Variants in CACNA1E observed in about 807,000 individuals in gnomAD.
The protein encoded by CACNA1E is calcium voltage-gated channel subunit alpha1 E, also known as voltage-dependent R-type calcium channel subunit alpha-1E.
A neutral mutation model predicts 259.2 loss-of-function variants in CACNA1E; 40 were observed. The observed-to-expected ratio is 0.15, with a 90% CI of 0.12 to 0.20. The LOEUF (loss-of-function observed/expected upper bound fraction) is 0.20. Ranked by LOEUF, CACNA1E falls within the 10% of genes least tolerant of loss-of-function variation. The probability of loss-of-function intolerance (pLI) is 1.00; values close to 1 mark genes in which losing one functional copy is unlikely to be tolerated. For synonymous variants in CACNA1E, 1,104 were observed against 1,138.5 expected, an observed-to-expected ratio of 0.97 and a Z score of 0.61; for missense variants, 1,874 against 3,040.1, an observed-to-expected ratio of 0.62 and a Z score of 9.02.
chr1:181,575,673 T>C (rs183714981), intron 3 of CACNA1E, among the ~76,000 whole-genome samples: 2 of 152,112 alleles, frequency 1.3e-5, no homozygotes, highest in African/African-American at 4.8e-5. Flanking sequence ...ATGAAAAGAG[T>C]GTCTCATGTG....
chr1:181,598,930 AT>A (rs59473397), intron 6 of CACNA1E, among the ~76,000 whole-genome samples: 7,209 of 142,450 alleles, frequency 0.051, 543 homozygotes, highest in African/African-American at 0.17. Context: ...TGTTTCTGCC[AT>A]TTTTTTTTTT....
intron 1 of CACNA1E, among the ~76,000 whole-genome samples, chr1:181,346,708 A>G (rs1196436407): frequency 1.3e-5 from 2 of 152,120 alleles, no homozygotes; most frequent in African/African-American, 4.8e-5. Context: ...GGCTCTTGGG[A>G]TCACATTCCC....
intron 7 of CACNA1E, among the ~76,000 whole-genome samples, chr1:181,675,038 C>T (rs1291859492): frequency 6.6e-6 from 1 of 152,188 alleles, no homozygotes; most frequent in Non-Finnish European, 1.5e-5. Flanking sequence ...TTGGGGATTT[C>T]CTTTCCTTTT....
In CACNA1E at chr1:181,732,874, G is replaced by A. The variant is rs775039258; in HGVS notation, c.2788G>A (p.Gly930Ser). ...RSRHRRVRTEGKESSSASRSR... is the reference protein window; with the variant it reads ...RSRHRRVRTESKESSSASRSR... The stretch of plus-strand genomic sequence containing the variant: ...CCGGCATCGCCGCGTCAGGACAGAA[G>A]GCAAGGAGTCCTCTTCAGCCTCCCG... The change falls in exon 20 of 48, where the codon GGC becomes AGC. Residue 930 changes from glycine (G) to serine (S), a missense_variant. Around this residue, in one of 14 missense-constraint regions of CACNA1E, gnomAD observed 476 missense variants for 514.0 expected, o/e 0.93. Transcript: ENST00000367573. The surrounding 1 kb of genome is among the most constrained non-coding windows in gnomAD (Gnocchi z 5.5). 5 of 1,614,048 alleles carry A rather than the reference G, an allele frequency of 3.1e-6. No homozygotes were observed. The South Asian group carries it at 5.5e-5, about 18-fold the overall frequency.
At chr1:181,390,261 C>T (rs1276722924) in intron 1 of CACNA1E, among the ~76,000 whole-genome samples, 1 of 152,172 alleles carries the variant, frequency 6.6e-6, no homozygotes, top group East Asian at 1.9e-4. Context: ...GGAGGGGCTT[C>T]TGCTGAATGC....
intron 2 of CACNA1E, among the ~76,000 whole-genome samples, chr1:181,428,540 G>A (rs1391723260): frequency 8.5e-5 from 13 of 152,130 alleles, no homozygotes; most frequent in Admixed American, 8.5e-4. Context: ...TGGGGTAGGG[G>A]AGAGAAACAG....
At chr1:181,672,182 G>A (rs562005424) in intron 7 of CACNA1E, among the ~76,000 whole-genome samples, 2 of 152,336 alleles carry the variant, frequency 1.3e-5, no homozygotes, top group South Asian at 2.1e-4. Context: ...GGAGCTAAAT[G>A]ATGAGAATTC....
intron 6 of CACNA1E, among the ~76,000 whole-genome samples, chr1:181,628,561 C>A (rs1656412368): frequency 6.6e-6 from 1 of 152,096 alleles, no homozygotes; most frequent in Non-Finnish European, 1.5e-5. Flanking sequence ...AAATTGGCTG[C>A]AGTTAGGGCT....
At position 181,800,433 on chromosome 1, in the gene CACNA1E, C is replaced by T. The variant is rs1426583784; in HGVS notation, c.*1599C>T. On this transcript the variant is annotated 3_prime_UTR_variant, in exon 48 of 48. Coordinates refer to ENST00000367573, the MANE Select transcript of CACNA1E (RefSeq NM_001205293.3). ...AGAGCCCTTTCTTGCCAAGCCAGTGCTCTTTTGGTATATGGCATACAGCTC... is the reference window on the plus strand; with the variant it reads ...AGAGCCCTTTCTTGCCAAGCCAGTGTTCTTTTGGTATATGGCATACAGCTC... 6.6e-6 allele frequency: 1 copy of T among 152,666 alleles called. No individual in the cohort carries two copies. Among genetic ancestry groups the T allele is most frequent in the Non-Finnish European group, 1.5e-5 (1 of 68,058 alleles). 9.5% of individuals were successfully genotyped at this position (152,666 alleles called of 1,614,324 possible). A position where few individuals can be genotyped will look rare whatever the true frequency, so the allele number is the denominator to read the frequency against.
intron 1 of CACNA1E, among the ~76,000 whole-genome samples, chr1:181,346,887 T>C (rs1224627017): frequency 6.6e-6 from 1 of 152,112 alleles, no homozygotes; most frequent in Non-Finnish European, 1.5e-5. Flanking sequence ...AGTCTCTCTA[T>C]GGAAGCAAAC....
chr1:181,599,106 C>G lies in CACNA1E; in HGVS notation c.951+18330C>G, dbSNP rs1405355681. Reference sequence around the variant, plus strand: ...TAGCTATTCTTCCTGAGCCTCTCCCCCCTCCCCACTCTTGCCCTCCGATAG... The same window carrying G: ...TAGCTATTCTTCCTGAGCCTCTCCCGCCTCCCCACTCTTGCCCTCCGATAG... On this transcript the variant is annotated intron_variant, in intron 6 of 47. Transcript: ENST00000367573. Among the ~76,000 whole-genome samples the G allele has an allele frequency of 2.6e-5, 4 of 152,100 alleles. No individual in the cohort carries two copies. In the East Asian group the frequency reaches 7.7e-4, roughly 29 times the overall value.
chr1:181,363,177 C>G (rs569770414), intron 1 of CACNA1E, among the ~76,000 whole-genome samples: 138 of 152,290 alleles, frequency 9.1e-4, no homozygotes, highest in African/African-American at 3.3e-3. Flanking sequence ...AGCCTAAAAT[C>G]TCATCCCTGC....
At chr1:181,498,747 A>G (rs1472079637) in intron 1 of CACNA1E, among the ~76,000 whole-genome samples, 1 of 152,154 alleles carries the variant, frequency 6.6e-6, no homozygotes, top group East Asian at 1.9e-4. Flanking sequence ...AGAGCCTAGA[A>G]CCCAGGGCCG....
At chr1:181,495,142 A>G (rs1664639550) in intron 1 of CACNA1E, among the ~76,000 whole-genome samples, 1 of 152,230 alleles carries the variant, frequency 6.6e-6, no homozygotes, top group African/African-American at 2.4e-5. Flanking sequence ...TTTCTTAGAC[A>G]ATAAAAGTGT....
chr1:181,323,817 C>T (rs1183571166), intron 1 of CACNA1E, among the ~76,000 whole-genome samples: 3 of 152,222 alleles, frequency 2.0e-5, no homozygotes, highest in Non-Finnish European at 2.9e-5. Context: ...ACACATCCAA[C>T]TTCCGCCTTC....
intron 1 of CACNA1E, among the ~76,000 whole-genome samples, chr1:181,325,823 T>A (rs189877413): frequency 1.3e-5 from 2 of 152,278 alleles, no homozygotes; most frequent in African/African-American, 4.8e-5. Flanking sequence ...ATTTCACTAA[T>A]TATTTCCTCT....
chr1:181,407,752 C>T (rs114976496), intron 1 of CACNA1E, among the ~76,000 whole-genome samples: 2,121 of 152,192 alleles, frequency 0.014, 42 homozygotes, highest in African/African-American at 0.046. Flanking sequence ...TCAGAGTAGG[C>T]GGGTGAGTAT....
At chr1:181,517,679 G>A (rs1490484338) in intron 3 of CACNA1E, among the ~76,000 whole-genome samples, 6 of 152,008 alleles carry the variant, frequency 3.9e-5, no homozygotes, top group East Asian at 1.9e-4. Context: ...GGGAGCTGCC[G>A]TCCTCATCCC....
chr1:181,426,402 C>T (rs1659203649), intron 2 of CACNA1E, among the ~76,000 whole-genome samples: 1 of 149,424 alleles, frequency 6.7e-6, no homozygotes, highest in African/African-American at 2.5e-5. Flanking sequence ...CTTCCCATCT[C>T]AGCCACTTCA....
Sources: allele counts gnomAD v4.1 joint callset (sites outside exome capture counted in the v4.1 genomes callset), GRCh38; gene constraint gnomAD v4.1.1; regional missense constraint gnomAD v4.1.1; non-coding constraint Gnocchi (gnomAD v3.1); transcripts MANE v1.5; gene names NCBI Gene and HGNC (gene_info 2026-07-23, HGNC 2026-07-21).